Variants in STOX1 observed in about 807,000 individuals in gnomAD.
STOX1 encodes the protein storkhead-box protein 1.
In STOX1, 57 loss-of-function variants were observed where a neutral mutation model predicts 74.8. The observed-to-expected ratio is 0.76, with a 90% CI of 0.62 to 0.95. The LOEUF (loss-of-function observed/expected upper bound fraction) is 0.95, where lower values mean the gene tolerates loss of function less well. Among genes scored for constraint, STOX1 ranks in the 40% least tolerant of loss-of-function variants. The pLI is 0.00. For synonymous variants in STOX1, 375 were observed against 401.3 expected, an observed-to-expected ratio of 0.93 and a Z score of 0.78; for missense variants, 1,010 against 1,117.0, an observed-to-expected ratio of 0.90 and a Z score of 1.37.
chr10:68,857,752 C>A (rs1840163525), intron 1 of STOX1, among the ~76,000 whole-genome samples: 1 of 152,004 alleles, frequency 6.6e-6, no homozygotes. Flanking sequence ...TTGGCTTTGC[C>A]CCCTAAATTA....
At chr10:68,857,391 G>A (rs1041048905) in intron 1 of STOX1, among the ~76,000 whole-genome samples, 3 of 152,170 alleles carry the variant, frequency 2.0e-5, no homozygotes, top group South Asian at 4.1e-4. Context: ...GAAGGATCCC[G>A]GGTTCTCTAT....
At chr10:68,853,058 G>A (rs2133541471) in intron 1 of STOX1, among the ~76,000 whole-genome samples, 2 of 152,040 alleles carry the variant, frequency 1.3e-5, no homozygotes, top group South Asian at 4.1e-4. Context: ...GAGTAGCTGG[G>A]ATTACAGGCA....
intron 3 of STOX1, among the ~76,000 whole-genome samples, chr10:68,888,627 ATTTTTTT>A (rs747038041): frequency 4.6e-5 from 5 of 107,820 alleles, no homozygotes; most frequent in Admixed American, 1.0e-4. Flanking sequence ...CTTTGCCAGT[ATTTTTTT>A]TTTTTTTTTT....
Position 68,885,310 on chromosome 10 carries a change from G to C in STOX1, c.1514G>C (p.Ser505Thr). 6.2e-7 allele frequency: 1 copy of C among 1,614,188 alleles called. No homozygotes were observed. Among genetic ancestry groups the C allele is most frequent in the Non-Finnish European group, 8.5e-7 (1 of 1,180,032 alleles). ...NPFQGLSHRG[S>T]TISKGHKIQK... ...TTCCAGGGTTTGTCTCACCGAGGAA[G>C]CACAATATCCAAAGGGCACAAAATT... Residue 505 changes from serine to threonine, a missense_variant, in exon 3 of 4, where the codon AGC becomes ACC. Transcript: ENST00000298596.
At position 68,827,705 on chromosome 10, in the gene STOX1, G is replaced by A. The variant is rs1322838142; in HGVS notation, c.82G>A (p.Ala28Thr). The change falls in exon 1 of 4, where the codon GCG becomes ACG. Residue 28 changes from alanine (A) to threonine (T), a missense_variant. By Grantham distance (58) the Ala-to-Thr change is moderately conservative. Coordinates refer to ENST00000298596, the MANE Select transcript of STOX1 (RefSeq NM_152709.5). Reference sequence around the variant, plus strand: ...GGAGGCGCAGAAGGCGGCGGGGGCCGCGGAGGAGCCTGGTGGGCGCGCGGT... The same window carrying A: ...GGAGGCGCAGAAGGCGGCGGGGGCCACGGAGGAGCCTGGTGGGCGCGCGGT... ...RLEAQKAAGA[A>T]EEPGGRAVFR... The A allele has an allele frequency of 6.5e-6, 6 of 919,344 alleles. No individual in the cohort carries two copies. The highest frequency in any genetic ancestry group is 5.2e-5 in the Admixed American group (1 of 19,270). The allele number at this position is 919,344 out of a possible 1,614,324, so 56.9% of individuals were successfully genotyped here. A position where few individuals can be genotyped will look rare whatever the true frequency, so the allele number is the denominator to read the frequency against.
chr10:68,877,703 C>T (rs1840712746), intron 1 of STOX1, among the ~76,000 whole-genome samples: 1 of 152,172 alleles, frequency 6.6e-6, no homozygotes, highest in Admixed American at 6.5e-5. Context: ...AGCAGGGACA[C>T]CAGATGACAT....
At chr10:68,839,102 C>T (rs765261958) in intron 1 of STOX1, among the ~76,000 whole-genome samples, 1 of 152,154 alleles carries the variant, frequency 6.6e-6, no homozygotes, top group Non-Finnish European at 1.5e-5. Flanking sequence ...AATGTTCATG[C>T]TACCCAAAGT....
chr10:68,838,842 G>A (rs944488139), intron 1 of STOX1, among the ~76,000 whole-genome samples: 9 of 151,814 alleles, frequency 5.9e-5, no homozygotes, highest in Non-Finnish European at 1.0e-4. Context: ...CCCAGGAGGC[G>A]GAGGTTGCAG....
intron 1 of STOX1, among the ~76,000 whole-genome samples, chr10:68,875,206 C>T (rs553637413): frequency 2.0e-5 from 3 of 152,228 alleles, no homozygotes; most frequent in African/African-American, 7.2e-5. Context: ...CTCACGCCCC[C>T]CAACCTGGGG....
intron 1 of STOX1, among the ~76,000 whole-genome samples, chr10:68,862,129 G>A (rs1840280663): frequency 2.0e-5 from 3 of 152,094 alleles, no homozygotes; most frequent in Admixed American, 2.0e-4. Flanking sequence ...ACTGATGAAT[G>A]TAGCGCAACT....
chr10:68,828,880 CTGTT>C (rs1348979005), intron 1 of STOX1: 4 of 672,490 alleles, frequency 5.9e-6, no homozygotes, highest in South Asian at 6.7e-5. Flanking sequence ...TCAAACTTAA[CTGTT>C]TGTTAGACAA....
intron 1 of STOX1, among the ~76,000 whole-genome samples, chr10:68,880,986 A>T (rs1731653690): frequency 6.6e-6 from 1 of 152,090 alleles, no homozygotes; most frequent in South Asian, 2.1e-4. Context: ...GAGCCACCAC[A>T]TCTGGTCCCT....
intron 1 of STOX1, among the ~76,000 whole-genome samples, chr10:68,842,384 CAG>C (rs1302391453): frequency 1.3e-5 from 2 of 152,234 alleles, no homozygotes; most frequent in South Asian, 2.1e-4. Context: ...ATAGATGAGA[CAG>C]AAACTGCTTG....
At chr10:68,874,012 C>CTTTTT (rs1840613803) in intron 1 of STOX1, among the ~76,000 whole-genome samples, 1 of 11,374 alleles carries the variant, frequency 8.8e-5, no homozygotes, top group Non-Finnish European at 1.4e-4. Flanking sequence ...AGCTAGGTAG[C>CTTTTT]CTTTTTTTTT....
chr10:68,835,902 C>T (rs540915772), intron 1 of STOX1, among the ~76,000 whole-genome samples: 3 of 152,280 alleles, frequency 2.0e-5, no homozygotes, highest in Admixed American at 6.5e-5. Flanking sequence ...CATGGAGTCT[C>T]GCTCTGTCGC....
chr10:68,877,384 T>G (rs1369813867), intron 1 of STOX1, among the ~76,000 whole-genome samples: 1 of 152,186 alleles, frequency 6.6e-6, no homozygotes. Flanking sequence ...AAGAAAAAAG[T>G]TGTGTTTCAT....
chr10:68,870,548 A>G (rs1354604191), intron 1 of STOX1, among the ~76,000 whole-genome samples: 1 of 152,222 alleles, frequency 6.6e-6, no homozygotes. Context: ...GAGACTTTTC[A>G]GGTGTAATTA....
chr10:68,870,688 C>T (rs1329725086), intron 1 of STOX1, among the ~76,000 whole-genome samples: 2 of 152,154 alleles, frequency 1.3e-5, no homozygotes, highest in African/African-American at 4.8e-5. Flanking sequence ...AAGTGCACGT[C>T]AGAGAGTGTG....
intron 1 of STOX1, among the ~76,000 whole-genome samples, chr10:68,855,732 A>C (rs1840108535): frequency 6.6e-6 from 1 of 151,638 alleles, no homozygotes; most frequent in Non-Finnish European, 1.5e-5. Context: ...GGCGTAAGTC[A>C]CTGCACCTGG....
Sources: gnomAD v4.1 joint callset for allele counts (sites outside exome capture counted in the v4.1 genomes callset) on GRCh38, gnomAD v4.1.1 for gene constraint, MANE v1.5 for transcripts, NCBI Gene and HGNC (gene_info 2026-07-23, HGNC 2026-07-21) for gene names.